The following MTARC2 variants were observed in gnomAD, a reference collection of about 807,000 sequenced individuals.
The protein encoded by MTARC2 is MOCO sulphurase C-terminal domain containing 2.
MTARC2 carries 27 observed loss-of-function variants against 35.6 expected under a neutral mutation model. The observed-to-expected ratio is 0.76, with a 90% CI of 0.56 to 1.04. MTARC2 has a LOEUF of 1.04. Ranked by LOEUF, MTARC2 falls within the 50% of genes least tolerant of loss-of-function variation. The pLI is 0.00. For synonymous variants in MTARC2, 158 were observed against 167.1 expected (o/e 0.95, Z 0.42); for missense variants, 412 against 432.5 (o/e 0.95, Z 0.42).
At chr1:220,757,514 T>TA (rs1276055058) in intron 2 of MTARC2, among the ~76,000 whole-genome samples, 2 of 152,246 alleles carry the variant, frequency 1.3e-5, no homozygotes, top group African/African-American at 2.4e-5. Context: ...CTGGGTGGCT[T>TA]AAACAACTGA....
At chr1:220,771,622 A>G (rs1201516725) in intron 4 of MTARC2, among the ~76,000 whole-genome samples, 1 of 152,058 alleles carries the variant, frequency 6.6e-6, no homozygotes, top group Non-Finnish European at 1.5e-5. Flanking sequence ...CAGATAGTTA[A>G]TTTTTTTCTG....
chr1:220,758,825 GAA>G (rs1387118942), intron 2 of MTARC2, among the ~76,000 whole-genome samples: 1 of 129,694 alleles, frequency 7.7e-6, no homozygotes, highest in East Asian at 3.7e-4. Flanking sequence ...AAATTGATGT[GAA>G]AATATGTGTG....
At chr1:220,777,607 G>A (rs1572318718) in intron 4 of MTARC2, among the ~76,000 whole-genome samples, 2 of 152,338 alleles carry the variant, frequency 1.3e-5, no homozygotes, top group South Asian at 4.1e-4. Flanking sequence ...ATTTATGGAG[G>A]CAGTAGTGAG....
Position 220,773,778 on chromosome 1 carries a change from T to C in MTARC2, c.751-6240T>C, listed in dbSNP as rs541488903. Among the ~76,000 whole-genome samples, 118 of 152,272 alleles carry C rather than the reference T, an allele frequency of 7.7e-4. 1 individual carries two copies. Among genetic ancestry groups the C allele is most frequent in the Non-Finnish European group, 4.6e-4 (31 of 68,026 alleles). On this transcript the variant is annotated intron_variant, in intron 4 of 7. Transcript: ENST00000366913. ...CAAAAATTATTTTTAAGATGTGCTG[T>C]TGGGATTATACCTCTTATAAAAAAT...
chr1:220,766,793 G>A (rs1298001136), intron 4 of MTARC2, among the ~76,000 whole-genome samples: 1 of 149,760 alleles, frequency 6.7e-6, no homozygotes, highest in South Asian at 2.1e-4. Context: ...TTCTTGGGCA[G>A]TGAGAGTGGA....
At chr1:220,754,528 A>G (rs1171496338) in intron 1 of MTARC2, 1 of 432,832 alleles carries the variant, frequency 2.3e-6, no homozygotes, top group Non-Finnish European at 4.6e-6. Context: ...GGCCAACCTC[A>G]TCTTGTTCTA....
chr1:220,762,825 T>C, intron 3 of MTARC2, 85 bp from the exon 4 acceptor site: 1 of 1,465,548 alleles, frequency 6.8e-7, no homozygotes, highest in Non-Finnish European at 9.4e-7. Flanking sequence ...GAAGAGGTTT[T>C]GCTTCTGGAC....
chr1:220,751,988 T>C (rs1671136617), intron 1 of MTARC2, among the ~76,000 whole-genome samples: 1 of 152,230 alleles, frequency 6.6e-6, no homozygotes, highest in Non-Finnish European at 1.5e-5. Flanking sequence ...TTACAAATGG[T>C]AACCTTTTAA....
At chr1:220,765,451 C>T (rs1671556063) in intron 4 of MTARC2, among the ~76,000 whole-genome samples, 1 of 152,224 alleles carries the variant, frequency 6.6e-6, no homozygotes, top group Non-Finnish European at 1.5e-5. Flanking sequence ...CAATAAATAT[C>T]TGCCGAATGC....
intron 4 of MTARC2, among the ~76,000 whole-genome samples, chr1:220,769,010 G>C (rs577981411): frequency 8.5e-5 from 13 of 152,294 alleles, no homozygotes; most frequent in African/African-American, 3.1e-4. Flanking sequence ...TAAAACAGGA[G>C]GATAGGCATC....
At chr1:220,780,484 A>G (rs1240179430) in intron 6 of MTARC2, among the ~76,000 whole-genome samples, 1 of 137,508 alleles carries the variant, frequency 7.3e-6, no homozygotes, top group East Asian at 2.1e-4. Context: ...GAGGAGCCTC[A>G]CTCTGTCCCC....
rs371722709 is a variant in MTARC2, at chr1:220,772,700, T to TTGTGTGTGTGTG, written c.751-7310_751-7299dup. Among the ~76,000 whole-genome samples, 139 of 148,714 alleles carry TTGTGTGTGTGTG rather than the reference T, an allele frequency of 9.3e-4. No individual in the cohort carries two copies. The South Asian group carries it at 0.021, about 22-fold the overall frequency. On this transcript the variant is annotated intron_variant, in intron 4 of 7. Coordinates refer to ENST00000366913, the MANE Select transcript of MTARC2 (RefSeq NM_017898.5). ...CTGGGCAGGGTGTGTGTGTGTGTGTTTGTGTGTGTGTGTGTGTGTTTGGGG... is the reference window on the plus strand; with the variant it reads ...CTGGGCAGGGTGTGTGTGTGTGTGTTTGTGTGTGTGTGTGTGTGTGTGTGTGTGTGTTTGGGG...
At chr1:220,758,840 TGTGTGTGTGTCTGG>T (rs920590456) in intron 2 of MTARC2, among the ~76,000 whole-genome samples, 1 of 127,890 alleles carries the variant, frequency 7.8e-6, no homozygotes, top group African/African-American at 3.7e-5. Flanking sequence ...TATGTGTGTG[TGTGTGTGTGTCTGG>T]GTGTGTGTGT....
At chr1:220,756,324 T>TA (rs1475877482) in intron 2 of MTARC2, 1 of 152,254 alleles carries the variant, frequency 6.6e-6, no homozygotes, top group African/African-American at 2.4e-5. Context: ...ACTCTCATCT[T>TA]ACGCTTTTTC....
In MTARC2 at chr1:220,781,898, G is replaced by A. The variant is rs748263439; in HGVS notation, c.1005G>A (p.Val335=). 1 of 1,614,112 alleles carries A rather than the reference G, an allele frequency of 6.2e-7. No homozygotes were observed. Among genetic ancestry groups the A allele is most frequent in the East Asian group, 2.2e-5 (1 of 44,878 alleles). The change falls in exon 7 of 8, where the codon GTG becomes GTA. Residue 335 remains valine, a synonymous_variant. Transcript: ENST00000366913. Reference sequence around the variant, plus strand: ...TTGGTGACCCTGTGTATCGGATGGTGTAGTGATGAGTGATGGATCCACTAG... The same window carrying A: ...TTGGTGACCCTGTGTATCGGATGGTATAGTGATGAGTGATGGATCCACTAG... ...LRVGDPVYRM[V] is the part of the protein sequence containing the mutation.
Position 220,779,946 on chromosome 1 carries a change from G to A in MTARC2, c.751-72G>A, listed in dbSNP as rs1018868017. On this transcript the variant is annotated intron_variant, in intron 4 of 7. Coordinates refer to ENST00000366913, the MANE Select transcript of MTARC2 (RefSeq NM_017898.5). ...GCTATAATAGTTTCATACTTAATAT[G>A]AGCCAAAGAATAAACAGACTCAAAG... is the stretch of plus-strand genomic sequence containing the variant. 50 of 1,165,228 alleles carry A rather than the reference G, an allele frequency of 4.3e-5. 1 individual carries two copies. The South Asian group carries it at 6.9e-4, about 16-fold the overall frequency. The allele number at this position is 1,165,228 out of a possible 1,614,324, so 72.2% of individuals were successfully genotyped here.
chr1:220,783,540 T>G lies in MTARC2; in HGVS notation c.*32-379T>G, dbSNP rs72473909. Among the ~76,000 whole-genome samples the G allele has an allele frequency of 9.7e-3, 1,484 of 152,322 alleles. 9 individuals are homozygous for G. Among genetic ancestry groups the G allele is most frequent in the Middle Eastern group, 0.061 (18 of 294 alleles). On this transcript the variant is annotated intron_variant, in intron 7 of 7. Coordinates refer to ENST00000366913, the MANE Select transcript of MTARC2 (RefSeq NM_017898.5). ...AACGATTGAGGGTTTTCCATATCAC[T>G]CCGTCACAAACTCATCCAATCAGAT... is the stretch of plus-strand genomic sequence containing the variant.
Position 220,748,613 on chromosome 1 carries a change from C to T in MTARC2, c.82C>T (p.Leu28=). 6.8e-6 allele frequency: 10 copies of T among 1,480,324 alleles called. No individual in the cohort carries two copies. Among genetic ancestry groups the T allele is most frequent in the Non-Finnish European group, 8.9e-6 (10 of 1,124,352 alleles). 91.7% of individuals were successfully genotyped at this position (1,480,324 alleles called of 1,614,324 possible). ...PWPRWLGVAA[L]GLAAVALGTV... ...GCCCAGGTGGCTCGGGGTCGCCGCG[C>T]TAGGACTGGCCGCCGTGGCCCTGGG... The change falls in exon 1 of 8, where the codon CTA becomes TTA. Residue 28 remains leucine (L), a synonymous_variant. Transcript: ENST00000366913.
At chr1:220,764,110 T>G (rs1223393479) in intron 4 of MTARC2, among the ~76,000 whole-genome samples, 1 of 152,102 alleles carries the variant, frequency 6.6e-6, no homozygotes, top group Non-Finnish European at 1.5e-5. Context: ...TTTTTTTTTT[T>G]TGAGAGAGAG....
Sources: allele counts gnomAD v4.1 joint callset (sites outside exome capture counted in the v4.1 genomes callset), GRCh38; gene constraint gnomAD v4.1.1; transcripts MANE v1.5; gene names NCBI Gene and HGNC (gene_info 2026-07-23, HGNC 2026-07-21).